CCDC7: variants seen among roughly 807,000 people sequenced by gnomAD.
CCDC7 encodes coiled-coil domain containing 7.
In CCDC7, 183 loss-of-function variants were observed where a neutral mutation model predicts 196.9. That is an observed-to-expected ratio of 0.93 (90% CI 0.82 to 1.05). The LOEUF is 1.05. Among genes scored for constraint, CCDC7 ranks in the 50% least tolerant of loss-of-function variants. The pLI, the probability that CCDC7 is intolerant of heterozygous loss-of-function variation, is 0.00. For synonymous variants in CCDC7, 525 were observed against 484.6 expected (o/e 1.08, Z -1.10); for missense variants, 1,540 against 1,482.2 (o/e 1.04, Z -0.64).
intron 26 of CCDC7, among the ~76,000 whole-genome samples, chr10:32,728,089 A>G (rs1414280532): frequency 6.6e-6 from 1 of 151,658 alleles, no homozygotes; most frequent in Non-Finnish European, 1.5e-5. Flanking sequence ...CATCTCATAC[A>G]CCCCCTTTCT....
chr10:32,570,867 T>A (rs953081386), intron 15 of CCDC7, among the ~76,000 whole-genome samples: 1 of 152,136 alleles, frequency 6.6e-6, no homozygotes, highest in East Asian at 1.9e-4. Context: ...CCAGTTAATC[T>A]CTGCATAAAA....
Position 32,845,568 on chromosome 10 carries a change from T to G in CCDC7, c.3462T>G (p.Tyr1154Ter), listed in dbSNP as rs199969144. The change falls in exon 35 of 42, where the codon TAT becomes TAG. Residue 1154 changes from tyrosine to a stop codon, truncating the protein, a stop_gained. Transcript: ENST00000639629. LOFTEE classifies it high-confidence loss of function. ...AGACTGATAAGAACTTCTTTGCCTA[T>G]GCTACTGGAAGAGGTCTAATGAAGG... The G allele has an allele frequency of 3.1e-6, 5 of 1,612,436 alleles. No homozygotes were observed. The African/African-American group carries it at 6.7e-5, about 22-fold the overall frequency.
At chr10:32,768,842 A>G (rs1299371629) in intron 28 of CCDC7, among the ~76,000 whole-genome samples, 1 of 152,158 alleles carries the variant, frequency 6.6e-6, no homozygotes, top group Non-Finnish European at 1.5e-5. Flanking sequence ...ATATTGAACC[A>G]TCCTTGAATC....
At chr10:32,489,484 C>G (rs1273011291) in intron 8 of CCDC7, among the ~76,000 whole-genome samples, 1 of 152,202 alleles carries the variant, frequency 6.6e-6, no homozygotes, top group Admixed American at 6.5e-5. Flanking sequence ...CACATGTGTA[C>G]TGAGAGACTG....
intron 24 of CCDC7, among the ~76,000 whole-genome samples, chr10:32,700,599 T>C (rs1452032076): frequency 6.6e-6 from 1 of 152,292 alleles, no homozygotes; most frequent in African/African-American, 2.4e-5. Flanking sequence ...AAGAAAGTCG[T>C]TGGTAGCTAG....
intron 9 of CCDC7, among the ~76,000 whole-genome samples, chr10:32,493,051 A>C (rs1414471767): frequency 6.6e-6 from 1 of 152,064 alleles, no homozygotes; most frequent in African/African-American, 2.4e-5. Flanking sequence ...TAACAGACCC[A>C]AAATCCTCAC....
chr10:32,543,269 C>G, intron 11 of CCDC7, 31 bp from the exon 13 acceptor site: 1 of 1,358,480 alleles, frequency 7.4e-7, no homozygotes, highest in Non-Finnish European at 9.7e-7. Context: ...GTTTTTAACC[C>G]TTTATTTCTG....
intron 25 of CCDC7, among the ~76,000 whole-genome samples, chr10:32,713,111 A>G (rs138670664): frequency 1.7e-3 from 264 of 152,362 alleles, no homozygotes; most frequent in African/African-American, 6.1e-3. Context: ...GTGTTGGTTC[A>G]TATAGAAAAT....
intron 20 of CCDC7, among the ~76,000 whole-genome samples, chr10:32,650,337 C>T (rs563577458): frequency 3.3e-5 from 5 of 152,292 alleles, no homozygotes; most frequent in African/African-American, 1.2e-4. Context: ...GAGCAATGAG[C>T]AGTAGATAGG....
At chr10:32,831,087 A>G (rs1372814404) in intron 32 of CCDC7, among the ~76,000 whole-genome samples, 1 of 152,190 alleles carries the variant, frequency 6.6e-6, no homozygotes, top group Non-Finnish European at 1.5e-5. Flanking sequence ...CTTTCTACAT[A>G]TCTAGGCTAT....
chr10:32,811,526 A>C (rs984539118), intron 30 of CCDC7, among the ~76,000 whole-genome samples: 50 of 152,258 alleles, frequency 3.3e-4, no homozygotes, highest in African/African-American at 1.2e-3. Context: ...GTTCCGTAGC[A>C]GAGGAGATTG....
intron 9 of CCDC7, among the ~76,000 whole-genome samples, chr10:32,506,241 A>C (rs1489768427): frequency 4.1e-3 from 257 of 63,252 alleles, no homozygotes; most frequent in Admixed American, 6.6e-3. Flanking sequence ...CAGAGGCGCT[A>C]CTCACTTCCC....
At chr10:32,759,346 C>T (rs2077033146) in intron 28 of CCDC7, among the ~76,000 whole-genome samples, 1 of 152,140 alleles carries the variant, frequency 6.6e-6, no homozygotes, top group Non-Finnish European at 1.5e-5. Flanking sequence ...TCCAACTATA[C>T]TACAAGGCTA....
chr10:32,779,190 C>A, intron 29 of CCDC7, 106 bp downstream of exon 30: 1 of 786,038 alleles, frequency 1.3e-6, no homozygotes, highest in East Asian at 2.9e-5. Context: ...AAGGAGTAGT[C>A]TTTCTCAACT....
chr10:32,624,205 T>A (rs1378200226), intron 18 of CCDC7, among the ~76,000 whole-genome samples: 1 of 152,206 alleles, frequency 6.6e-6, no homozygotes, highest in Non-Finnish European at 1.5e-5. Context: ...CCATGTTAGT[T>A]TATTCCATTA....
chr10:32,480,863 A>G (rs911776349), intron 8 of CCDC7, among the ~76,000 whole-genome samples: 3 of 152,150 alleles, frequency 2.0e-5, no homozygotes, highest in African/African-American at 7.2e-5. Flanking sequence ...TGTTAGGTCC[A>G]TTGGTGTAAA....
chr10:32,879,112 T>C (rs2094694957), downstream of CCDC7, among the ~76,000 whole-genome samples: 1 of 152,134 alleles, frequency 6.6e-6, no homozygotes, highest in South Asian at 2.1e-4. Flanking sequence ...GTTTGTTACA[T>C]AGTTAAACGT....
intron 18 of CCDC7, among the ~76,000 whole-genome samples, chr10:32,620,349 T>C (rs1334461854): frequency 6.6e-6 from 1 of 152,224 alleles, no homozygotes; most frequent in African/African-American, 2.4e-5. Context: ...TGCACCTGTT[T>C]TATAGCGTGA....
chr10:32,839,989 G>C (rs2092868459), intron 33 of CCDC7, among the ~76,000 whole-genome samples: 1 of 151,834 alleles, frequency 6.6e-6, no homozygotes, highest in Non-Finnish European at 1.5e-5. Flanking sequence ...AAAACCTCTG[G>C]GATACAGCAA....
Sources: gnomAD v4.1 joint callset for allele counts (sites outside exome capture counted in the v4.1 genomes callset) on GRCh38, gnomAD v4.1.1 for gene constraint, MANE v1.5 for transcripts, NCBI Gene and HGNC (gene_info 2026-07-23, HGNC 2026-07-21) for gene names.